The following HEPH variants were observed in gnomAD, a reference collection of about 807,000 sequenced individuals.
HEPH encodes the protein hephaestin.
A neutral mutation model predicts 80.8 loss-of-function variants in HEPH; 69 were observed. That is an observed-to-expected ratio of 0.85 (90% CI 0.70 to 1.04). The LOEUF (loss-of-function observed/expected upper bound fraction) is 1.04, where lower values mean the gene tolerates loss of function less well. Among genes scored for constraint, HEPH ranks in the 50% least tolerant of loss-of-function variants. HEPH has a pLI of 0.00. For synonymous variants in HEPH, 431 were observed against 322.8 expected, an observed-to-expected ratio of 1.34 and a Z score of -3.60; for missense variants, 1,115 against 891.3, an observed-to-expected ratio of 1.25 and a Z score of -3.20.
intron 15 of HEPH, among the ~76,000 whole-genome samples, chrX:66,212,562 T>C (rs1602363373): frequency 8.9e-6 from 1 of 111,998 alleles, no homozygotes; most frequent in African/African-American, 3.2e-5. Flanking sequence ...GCACTATTTA[T>C]TAAAGAGGAT....
At chrX:66,259,113 G>C (rs758298564) in intron 18 of HEPH, 134 bp downstream of exon 18, 1 of 683,122 alleles carries the variant, frequency 1.5e-6, no homozygotes, top group Non-Finnish European at 2.0e-6. Flanking sequence ...GGAGCACTGA[G>C]CTGGAAATTC....
Position 66,212,761 on chromosome X carries a change from T to C in HEPH, c.2563+4515T>C, listed in dbSNP as rs964163854. Among the ~76,000 whole-genome samples the C allele has an allele frequency of 6.3e-5, 7 of 110,697 alleles. No individual in the cohort carries two copies. The Admixed American group carries it at 6.7e-4, about 11-fold the overall frequency. ...TCAGGTAATGTAATGCCTCCAGTGG[T>C]TTATTTATTTATTTATTTGTTTATG... On this transcript the variant is annotated intron_variant, in intron 15 of 20. Coordinates refer to ENST00000343002, the MANE Select transcript of HEPH (RefSeq NM_001367233.3).
rs748078166 is a variant in HEPH at position 66,216,420 on chromosome X, C to T, written c.2563+8174C>T. Among the ~76,000 whole-genome samples the T allele has an allele frequency of 1.7e-4, 19 of 112,096 alleles. 1 individual carries two copies. The South Asian group carries it at 4.9e-3, about 29-fold the overall frequency. Reference sequence around the variant, plus strand: ...ACGGATTATATCTCAAGATTCTTTGCAGACACTCCCCATTGCCAGTCTGGA... The same window carrying T: ...ACGGATTATATCTCAAGATTCTTTGTAGACACTCCCCATTGCCAGTCTGGA... On this transcript the variant is annotated intron_variant, in intron 15 of 20. Transcript: ENST00000343002.
At chrX:66,221,114 G>T (rs1602396791) in intron 15 of HEPH, among the ~76,000 whole-genome samples, 1 of 111,410 alleles carries the variant, frequency 9.0e-6, no homozygotes, top group Non-Finnish European at 1.9e-5. Context: ...GCTGTGCGTG[G>T]ACCAGTCAGC....
Position 66,255,078 on chromosome X carries a change from C to T in HEPH, c.2607C>T (p.Gly869=). ...TYQWNIPERS[G]PGPNDSACVS... ...AGTGGAACATCCCAGAGAGGTCTGGCCCTGGGCCCAATGACTCTGCTTGTG... is the reference window on the plus strand; with the variant it reads ...AGTGGAACATCCCAGAGAGGTCTGGTCCTGGGCCCAATGACTCTGCTTGTG... Residue 869 remains glycine, a synonymous_variant, in exon 16 of 21, where the codon GGC becomes GGT. Coordinates refer to ENST00000343002, the MANE Select transcript of HEPH (RefSeq NM_001367233.3). 1 of 1,208,093 alleles carries T rather than the reference C, an allele frequency of 8.3e-7. No homozygotes were observed. The highest frequency in any genetic ancestry group is 1.7e-5 in the African/African-American group (1 of 57,535).
chrX:66,242,710 C>T (rs1447632098), intron 15 of HEPH, among the ~76,000 whole-genome samples: 1 of 111,933 alleles, frequency 8.9e-6, no homozygotes, highest in Non-Finnish European at 1.9e-5. Context: ...CGAACAGATA[C>T]TTCTTGAAGA....
intron 10 of HEPH, 133 bp from the exon 11 acceptor site, chrX:66,198,745 A>G: frequency 2.0e-6 from 1 of 489,303 alleles, no homozygotes; most frequent in Admixed American, 3.3e-5. Context: ...GCAGCTCTGG[A>G]TAGGAGGTAT....
Position 66,200,578 on chromosome X carries a change from G to C in HEPH, c.1903G>C (p.Asp635His). Residue 635 changes from aspartate to histidine, a missense_variant, in exon 12 of 21, where the codon GAC becomes CAC. Physicochemically the swap from Asp to His is moderately conservative, Grantham distance 81. Transcript: ENST00000343002. ...GFLFSNLPRL[D>H]MCKGDTVAWH... The stretch of plus-strand genomic sequence containing the variant: ...TCTGTTCTCTAACCTGCCCAGGCTG[G>C]ACATGTGCAAGGGTGACACAGTGGC... 1 of 1,208,879 alleles carries C rather than the reference G, an allele frequency of 8.3e-7. No individual in the cohort carries two copies. Among genetic ancestry groups the C allele is most frequent in the Non-Finnish European group, 1.1e-6 (1 of 893,967 alleles).
intron 12 of HEPH, among the ~76,000 whole-genome samples, chrX:66,202,108 G>A (rs995051236): frequency 1.8e-5 from 2 of 111,777 alleles, no homozygotes; most frequent in Non-Finnish European, 3.8e-5. Context: ...AGTCAGGGAG[G>A]GCTTTCTGGA....
intron 15 of HEPH, among the ~76,000 whole-genome samples, chrX:66,211,031 A>T (rs764986271): frequency 5.4e-5 from 6 of 111,420 alleles, no homozygotes; most frequent in Non-Finnish European, 1.1e-4. Flanking sequence ...TGAGATATGG[A>T]TCTGTAACTT....
chrX:66,164,696 G>A (rs1033961490), intron 1 of HEPH, among the ~76,000 whole-genome samples: 9 of 111,854 alleles, frequency 8.0e-5, no homozygotes, highest in African/African-American at 1.3e-4. Flanking sequence ...CTGTTTCAGG[G>A]CCAATCCTGG....
chrX:66,189,489 T>C (rs745486945), intron 5 of HEPH, among the ~76,000 whole-genome samples, 195 bp from the exon 6 acceptor site: 4 of 112,052 alleles, frequency 3.6e-5, no homozygotes, highest in East Asian at 2.8e-4. Flanking sequence ...CTCTCTCTCT[T>C]TTTTAATGAG....
intron 15 of HEPH, among the ~76,000 whole-genome samples, chrX:66,221,113 G>C (rs1569354610): frequency 9.0e-6 from 1 of 111,435 alleles, no homozygotes; most frequent in Non-Finnish European, 1.9e-5. Flanking sequence ...GGCTGTGCGT[G>C]GACCAGTCAG....
intron 15 of HEPH, among the ~76,000 whole-genome samples, chrX:66,210,407 G>A (rs767002368): frequency 9.0e-6 from 1 of 111,660 alleles, no homozygotes; most frequent in South Asian, 3.8e-4. Flanking sequence ...ACAATTTTAG[G>A]TAATGAGAAG....
chrX:66,226,986 G>T (rs889759241), intron 15 of HEPH, among the ~76,000 whole-genome samples: 46 of 111,415 alleles, frequency 4.1e-4, no homozygotes, highest in African/African-American at 1.5e-3. Flanking sequence ...AACAAAAAAA[G>T]AGAACTACAG....
chrX:66,246,595 T>A (rs952094042), intron 15 of HEPH, among the ~76,000 whole-genome samples: 1 of 110,678 alleles, frequency 9.0e-6, no homozygotes, highest in African/African-American at 3.3e-5. Context: ...GTGGGGGCAG[T>A]GTGTGGGGGC....
intron 17 of HEPH, among the ~76,000 whole-genome samples, chrX:66,257,642 A>G (rs1199252690): frequency 8.9e-6 from 1 of 112,288 alleles, no homozygotes; most frequent in Non-Finnish European, 1.9e-5. Context: ...AGGGAGAATC[A>G]TACCCCACAG....
chrX:66,214,715 T>G (rs1438641334), intron 15 of HEPH, among the ~76,000 whole-genome samples: 7 of 92,830 alleles, frequency 7.5e-5, no homozygotes, highest in African/African-American at 3.5e-4. Flanking sequence ...TTTTTCTTTA[T>G]ATAGAAAGAA....
intron 15 of HEPH, among the ~76,000 whole-genome samples, chrX:66,223,048 G>A (rs977721005): frequency 2.7e-5 from 3 of 110,641 alleles, no homozygotes; most frequent in Middle Eastern, 4.6e-3. Flanking sequence ...TCTGCTGTAC[G>A]AACAGCAGTC....
Sources: allele counts gnomAD v4.1 joint callset (sites outside exome capture counted in the v4.1 genomes callset), GRCh38; gene constraint gnomAD v4.1.1; transcripts MANE v1.5; gene names NCBI Gene and HGNC (gene_info 2026-07-23, HGNC 2026-07-21).